GADL1: variants seen among roughly 807,000 people sequenced by gnomAD.
GADL1 encodes the protein acidic amino acid decarboxylase GADL1.
In GADL1, 71 loss-of-function variants were observed where a neutral mutation model predicts 69.5. The ratio of observed to expected loss-of-function variants is 1.02; its 90% CI spans 0.84 to 1.25. The LOEUF (loss-of-function observed/expected upper bound fraction) is 1.25. Ranked by LOEUF, GADL1 falls within the 50% of genes most tolerant of loss-of-function variation. The pLI, the probability that GADL1 is intolerant of heterozygous loss-of-function variation, is 0.00. For synonymous variants in GADL1, 254 were observed against 214.4 expected (o/e 1.18, Z -1.62); for missense variants, 737 against 631.8 (o/e 1.17, Z -1.79).
chr3:30,796,246 A>T (rs1251416905), intron 12 of GADL1, among the ~76,000 whole-genome samples: 2 of 152,202 alleles, frequency 1.3e-5, no homozygotes, highest in African/African-American at 4.8e-5. Context: ...CAAAAAGGGA[A>T]CAGAGCTTCC....
intron 1 of GADL1, among the ~76,000 whole-genome samples, chr3:30,877,699 G>GA (rs1698595979): frequency 6.6e-6 from 1 of 151,890 alleles, no homozygotes; most frequent in African/African-American, 2.4e-5. Flanking sequence ...ACAGAGTGCT[G>GA]AAATGGGAAT....
chr3:30,776,166 T>C (rs1696532229), intron 14 of GADL1, among the ~76,000 whole-genome samples: 1 of 152,230 alleles, frequency 6.6e-6, no homozygotes, highest in Non-Finnish European at 1.5e-5. Context: ...AAAACAAACA[T>C]GAGTCTGTCT....
chr3:30,737,811 A>G (rs1255903724), intron 14 of GADL1, among the ~76,000 whole-genome samples: 1 of 152,198 alleles, frequency 6.6e-6, no homozygotes, highest in Non-Finnish European at 1.5e-5. Flanking sequence ...AGACATGCGC[A>G]AAATAAAAGA....
Position 30,869,459 on chromosome 3 carries a change from G to A in GADL1, c.38-7694C>T, listed in dbSNP as rs1012458315. 4.0e-5 allele frequency among the ~76,000 whole-genome samples: 6 copies of A among 151,806 alleles called. 1 individual carries two copies. The highest frequency in any genetic ancestry group is 1.2e-4 in the African/African-American group (5 of 41,274). On this transcript the variant is annotated intron_variant, in intron 1 of 14. Transcript: ENST00000282538. ...AAGCTCTGAAGCTTTGGGTAATGGC[G>A]ACAAATGTGGCAACTTAGTCCCTGG...
At chr3:30,784,368 A>G (rs9310945) in intron 13 of GADL1, among the ~76,000 whole-genome samples, 22,576 of 152,152 alleles carry the variant, frequency 0.15, 4,314 homozygotes, top group African/African-American at 0.43. Context: ...TTTTCCTCAC[A>G]TCACCGGCCT....
intron 11 of GADL1, among the ~76,000 whole-genome samples, chr3:30,826,096 G>A (rs1328559602): frequency 6.6e-6 from 1 of 151,826 alleles, no homozygotes; most frequent in African/African-American, 2.4e-5. Flanking sequence ...TTCCAGGCTT[G>A]TTTTATTCCT....
At chr3:30,890,321 C>G (rs947230457) in intron 1 of GADL1, among the ~76,000 whole-genome samples, 1 of 152,104 alleles carries the variant, frequency 6.6e-6, no homozygotes, top group Non-Finnish European at 1.5e-5. Context: ...AGGCACTTTG[C>G]TAGATGCTGG....
At chr3:30,844,074 T>C in intron 8 of GADL1, 136 bp downstream of exon 8, 1 of 677,992 alleles carries the variant, frequency 1.5e-6, no homozygotes, top group Non-Finnish European at 2.6e-6. Context: ...TCCAACATTC[T>C]CTCTCCTCTC....
At chr3:30,881,226 T>G (rs554142008) in intron 1 of GADL1, among the ~76,000 whole-genome samples, 11 of 152,102 alleles carry the variant, frequency 7.2e-5, no homozygotes, top group African/African-American at 2.6e-4. Flanking sequence ...ATATTTTCAT[T>G]TACATACACT....
At chr3:30,855,624 A>T (rs1373625967) in intron 3 of GADL1, among the ~76,000 whole-genome samples, 1 of 151,954 alleles carries the variant, frequency 6.6e-6, no homozygotes, top group Non-Finnish European at 1.5e-5. Flanking sequence ...CCCCCCTCCT[A>T]TAAAAGGTCT....
At chr3:30,829,854 T>C (rs1040265676) in intron 11 of GADL1, among the ~76,000 whole-genome samples, 3 of 151,928 alleles carry the variant, frequency 2.0e-5, no homozygotes. Context: ...TGAAAAATCA[T>C]AATTACAAAT....
At chr3:30,749,044 G>A (rs1695757139) in intron 14 of GADL1, among the ~76,000 whole-genome samples, 3 of 152,084 alleles carry the variant, frequency 2.0e-5, no homozygotes, top group African/African-American at 4.8e-5. Context: ...ATCAATTCCC[G>A]AATCAATCTT....
rs1168018870 is a variant in GADL1, at chr3:30,838,988, T to A, written c.903+9A>T. On this transcript the variant is annotated intron_variant, in intron 9 of 14. Transcript: ENST00000282538. Reference sequence around the variant, plus strand: ...GGTTAAACAGGTATGTACACATAAATGAACTTACATCTACATGAAGCCAGA... The same window carrying A: ...GGTTAAACAGGTATGTACACATAAAAGAACTTACATCTACATGAAGCCAGA... The A allele has an allele frequency of 6.5e-7, 1 of 1,529,814 alleles. No individual in the cohort carries two copies. Among genetic ancestry groups the A allele is most frequent in the African/African-American group, 1.4e-5 (1 of 72,168 alleles). The allele number at this position is 1,529,814 out of a possible 1,614,324, so 94.8% of individuals were successfully genotyped here.
intron 13 of GADL1, among the ~76,000 whole-genome samples, chr3:30,781,552 C>G (rs1696665782): frequency 6.6e-6 from 1 of 152,140 alleles, no homozygotes; most frequent in African/African-American, 2.4e-5. Context: ...TAATTGACTT[C>G]AAGCTTATAG....
At chr3:30,879,296 C>T (rs1698614015) in intron 1 of GADL1, among the ~76,000 whole-genome samples, 1 of 151,892 alleles carries the variant, frequency 6.6e-6, no homozygotes, top group Non-Finnish European at 1.5e-5. Flanking sequence ...CTTGGCTCCC[C>T]AGTAGAGAAA....
At chr3:30,747,075 G>T (rs1241980188) in intron 14 of GADL1, among the ~76,000 whole-genome samples, 3 of 152,160 alleles carry the variant, frequency 2.0e-5, no homozygotes, top group African/African-American at 7.2e-5. Flanking sequence ...TGCCTGTCAG[G>T]TTCCTGCGTT....
At chr3:30,776,018 G>A (rs972198226) in intron 14 of GADL1, among the ~76,000 whole-genome samples, 6 of 152,068 alleles carry the variant, frequency 3.9e-5, no homozygotes, top group Non-Finnish European at 2.9e-5. Context: ...CCCGAGAGGC[G>A]GAGGTTGCAG....
intron 9 of GADL1, among the ~76,000 whole-genome samples, chr3:30,837,666 G>A (rs951294343): frequency 3.9e-5 from 6 of 152,010 alleles, no homozygotes; most frequent in Admixed American, 2.6e-4. Context: ...TAATCCATAT[G>A]TGATGTTTCT....
rs758871737 is a variant in GADL1 at position 30,839,028 on chromosome 3, C to T, written c.872G>A (p.Cys291Tyr). The change falls in exon 9 of 15, where the codon TGC (cysteine) becomes TAC (tyrosine). Residue 291 changes from cysteine (C) to tyrosine (Y), a missense_variant. Physicochemically the swap from Cys to Tyr is radical, Grantham distance 194. Coordinates refer to ENST00000282538, the MANE Select transcript of GADL1 (RefSeq NM_207359.3). The stretch of plus-strand genomic sequence containing the variant: ...ATGAAGCCAGAGGCTGTGCCTCTCG[C>T]AGATGTCTGCTATTTCATCCAGAGG... ...FDPLDEIADICERHSLWLHVD... is the reference protein window; with the variant it reads ...FDPLDEIADIYERHSLWLHVD... 4.4e-6 allele frequency: 7 copies of T among 1,604,858 alleles called. No individual in the cohort carries two copies. The highest frequency in any genetic ancestry group is 3.4e-5 in the South Asian group (3 of 89,154).
Sources: gnomAD v4.1 joint callset for allele counts (sites outside exome capture counted in the v4.1 genomes callset) on GRCh38, gnomAD v4.1.1 for gene constraint, MANE v1.5 for transcripts, NCBI Gene and HGNC (gene_info 2026-07-23, HGNC 2026-07-21) for gene names.